The following RPTOR variants were observed in gnomAD, a reference collection of about 807,000 sequenced individuals.
RPTOR encodes regulatory-associated protein of mTOR.
In RPTOR, 21 loss-of-function variants were observed where a neutral mutation model predicts 169.9. The ratio of observed to expected loss-of-function variants is 0.12; its 90% CI spans 0.09 to 0.18. The LOEUF (loss-of-function observed/expected upper bound fraction) is 0.18, where lower values mean the gene tolerates loss of function less well. RPTOR is among the 10% of genes least tolerant of loss of function. The probability of loss-of-function intolerance (pLI) is 1.00; values close to 1 mark genes in which losing one functional copy is unlikely to be tolerated. For synonymous variants in RPTOR, 732 were observed against 753.2 expected, an observed-to-expected ratio of 0.97 and a Z score of 0.46; for missense variants, 1,133 against 1,855.9, an observed-to-expected ratio of 0.61 and a Z score of 7.16.
chr17:80,900,099 C>T (rs2068456415), intron 20 of RPTOR, among the ~76,000 whole-genome samples: 1 of 152,106 alleles, frequency 6.6e-6, no homozygotes, highest in Admixed American at 6.5e-5. Context: ...AGTGGGCGTC[C>T]TCCCTCTGCA....
chr17:80,585,608 C>G (rs997668015), intron 1 of RPTOR, among the ~76,000 whole-genome samples: 2 of 152,212 alleles, frequency 1.3e-5, no homozygotes, highest in African/African-American at 2.4e-5. Flanking sequence ...ACAGCACTTG[C>G]GTAGGGTGGT....
At chr17:80,822,060 C>T (rs936534605) in intron 7 of RPTOR, 141 bp from the exon 8 acceptor site, 8 of 728,404 alleles carry the variant, frequency 1.1e-5, no homozygotes, top group African/African-American at 6.9e-5. Flanking sequence ...TTCTCCCTGC[C>T]GTGCGCCAAG....
chr17:80,658,575 T>C (rs1174673936), intron 3 of RPTOR, among the ~76,000 whole-genome samples: 1 of 152,220 alleles, frequency 6.6e-6, no homozygotes, highest in Non-Finnish European at 1.5e-5. Flanking sequence ...GTATCCTTTT[T>C]GGTGCTCCTT....
intron 9 of RPTOR, among the ~76,000 whole-genome samples, chr17:80,825,623 A>G (rs1248244214): frequency 6.6e-6 from 1 of 152,222 alleles, no homozygotes; most frequent in African/African-American, 2.4e-5. Flanking sequence ...GCACTAGAGA[A>G]TCATGAGGTG....
chr17:80,900,122 G>A (rs1298990867), intron 20 of RPTOR, among the ~76,000 whole-genome samples: 2 of 152,068 alleles, frequency 1.3e-5, no homozygotes, highest in African/African-American at 2.4e-5. Flanking sequence ...CAAGGGGACC[G>A]GCGTTTACTC....
chr17:80,660,163 C>A (rs1176701403), intron 3 of RPTOR, among the ~76,000 whole-genome samples: 2 of 151,192 alleles, frequency 1.3e-5, no homozygotes, highest in African/African-American at 4.9e-5. Flanking sequence ...CCCAGTTACT[C>A]AGGAGGCTGA....
intron 6 of RPTOR, among the ~76,000 whole-genome samples, chr17:80,776,517 G>T (rs1317461215): frequency 2.0e-5 from 3 of 151,790 alleles, no homozygotes; most frequent in Non-Finnish European, 4.4e-5. Context: ...GTAGAGATGG[G>T]GTTTCACCAT....
At chr17:80,928,078 G>A (rs2068833924) in intron 24 of RPTOR, among the ~76,000 whole-genome samples, 1 of 152,156 alleles carries the variant, frequency 6.6e-6, no homozygotes. Context: ...TGCTCACTTG[G>A]TTGTCGTTGA....
At chr17:80,681,056 G>A (rs1004534070) in intron 3 of RPTOR, among the ~76,000 whole-genome samples, 5 of 152,108 alleles carry the variant, frequency 3.3e-5, no homozygotes, top group African/African-American at 9.7e-5. Flanking sequence ...TTCAAGGCAT[G>A]CATGGGTTTG....
chr17:80,665,382 C>G (rs1598203787), intron 3 of RPTOR, among the ~76,000 whole-genome samples: 2 of 5,462 alleles, frequency 3.7e-4, no homozygotes, highest in Admixed American at 4.4e-3. Context: ...CCTTTCCTTT[C>G]CTTTCCTTTC....
At chr17:80,810,284 A>G (rs1470263009) in intron 7 of RPTOR, among the ~76,000 whole-genome samples, 3 of 152,158 alleles carry the variant, frequency 2.0e-5, no homozygotes, top group African/African-American at 4.8e-5. Context: ...TTAGTGAACT[A>G]TGATTAACTT....
chr17:80,653,177 A>G (rs2065654139), intron 3 of RPTOR, among the ~76,000 whole-genome samples: 1 of 152,218 alleles, frequency 6.6e-6, no homozygotes, highest in Admixed American at 6.5e-5. Flanking sequence ...CTTTCCAAAT[A>G]ATATGTGTGG....
intron 11 of RPTOR, among the ~76,000 whole-genome samples, chr17:80,847,036 G>A (rs945782209): frequency 5.3e-5 from 8 of 152,256 alleles, no homozygotes; most frequent in African/African-American, 1.7e-4. Context: ...GAGGGAGGAG[G>A]CTCCCTGAGC....
At chr17:80,710,906 A>G (rs1189882499) in intron 4 of RPTOR, among the ~76,000 whole-genome samples, 1 of 152,174 alleles carries the variant, frequency 6.6e-6, no homozygotes, top group Non-Finnish European at 1.5e-5. Flanking sequence ...TTGTATATAT[A>G]CTTGAATAGT....
chr17:80,689,118 A>G (rs756076), intron 3 of RPTOR, among the ~76,000 whole-genome samples: 26,774 of 152,260 alleles, frequency 0.18, 3,766 homozygotes, highest in African/African-American at 0.39. Flanking sequence ...ACGGTTTCAT[A>G]TGTATGGAGT....
intron 6 of RPTOR, among the ~76,000 whole-genome samples, chr17:80,775,089 C>T (rs536414621): frequency 6.6e-6 from 1 of 152,290 alleles, no homozygotes; most frequent in Non-Finnish European, 1.5e-5. Flanking sequence ...CAAGCCTGGC[C>T]CGGGGCCAGG....
intron 6 of RPTOR, chr17:80,774,417 G>A (rs2066873733): frequency 6.5e-6 from 6 of 928,228 alleles, no homozygotes; most frequent in South Asian, 5.0e-5. Context: ...AATAACCCAG[G>A]ACTTGTCAAA....
chr17:80,677,003 G>A (rs140644373), intron 3 of RPTOR, among the ~76,000 whole-genome samples: 3 of 152,288 alleles, frequency 2.0e-5, no homozygotes, highest in Admixed American at 6.5e-5. Context: ...GAGGGACTTC[G>A]GTTCCCACCT....
intron 3 of RPTOR, among the ~76,000 whole-genome samples, chr17:80,667,086 C>G (rs950239126): frequency 3.3e-5 from 5 of 152,188 alleles, no homozygotes; most frequent in Non-Finnish European, 7.3e-5. Flanking sequence ...GCGTTCCCGT[C>G]TCCACGTCCC....
Sources: allele counts gnomAD v4.1 joint callset (sites outside exome capture counted in the v4.1 genomes callset), GRCh38; gene constraint gnomAD v4.1.1; transcripts MANE v1.5; gene names NCBI Gene and HGNC (gene_info 2026-07-23, HGNC 2026-07-21).